Variants in LPP observed in about 807,000 individuals in gnomAD.
LPP encodes LIM domain containing preferred translocation partner in lipoma, also known as lipoma-preferred partner.
A neutral mutation model predicts 60.4 loss-of-function variants in LPP; 38 were observed. The observed-to-expected ratio is 0.63, with a 90% CI of 0.49 to 0.83. LPP has a LOEUF of 0.83. Among genes scored for constraint, LPP ranks in the 40% least tolerant of loss-of-function variants. The pLI is 0.00. For missense variants in LPP, 902 were observed against 783.6 expected, an observed-to-expected ratio of 1.15 and a Z score of -1.80; for synonymous variants, 328 against 290.8, an observed-to-expected ratio of 1.13 and a Z score of -1.30.
At chr3:188,785,727 A>G (rs989873154) in intron 9 of LPP, among the ~76,000 whole-genome samples, 4 of 151,742 alleles carry the variant, frequency 2.6e-5, no homozygotes, top group African/African-American at 9.7e-5. Flanking sequence ...GATACCCAGT[A>G]GTGGGATTGC....
At chr3:188,441,074 T>G (rs960796110) in intron 4 of LPP, among the ~76,000 whole-genome samples, 4 of 151,992 alleles carry the variant, frequency 2.6e-5, no homozygotes, top group African/African-American at 9.7e-5. Flanking sequence ...GATATATGGA[T>G]TGATTTCTTT....
chr3:188,438,373 A>T (rs1017289988), intron 4 of LPP, among the ~76,000 whole-genome samples: 310 of 151,576 alleles, frequency 2.0e-3, no homozygotes, highest in African/African-American at 4.6e-3. Context: ...ACACACACAC[A>T]CACACACACA....
intron 3 of LPP, among the ~76,000 whole-genome samples, chr3:188,344,556 T>C (rs1763842825): frequency 6.6e-6 from 1 of 152,190 alleles, no homozygotes; most frequent in Non-Finnish European, 1.5e-5. Context: ...TTACTTCCGG[T>C]TAAATGTTCT....
intron 1 of LPP, among the ~76,000 whole-genome samples, chr3:188,198,155 A>G (rs1473121598): frequency 2.6e-5 from 4 of 152,194 alleles, no homozygotes; most frequent in South Asian, 2.1e-4. Context: ...AAAGAAACCT[A>G]TGAGGATGGT....
At chr3:188,314,879 T>A (rs1754584288) in intron 2 of LPP, among the ~76,000 whole-genome samples, 1 of 152,202 alleles carries the variant, frequency 6.6e-6, no homozygotes, top group African/African-American at 2.4e-5. Context: ...AATAGTTTGA[T>A]AACATTTACA....
At chr3:188,365,146 A>G (rs114437031) in intron 3 of LPP, among the ~76,000 whole-genome samples, 1,745 of 149,632 alleles carry the variant, frequency 0.012, 35 homozygotes, top group African/African-American at 0.04. Context: ...TGACCTCTTA[A>G]TCTTACTTTT....
intron 2 of LPP, among the ~76,000 whole-genome samples, chr3:188,319,876 G>A (rs1756430459): frequency 6.6e-6 from 1 of 151,946 alleles, no homozygotes. Flanking sequence ...GGATGCTGCT[G>A]TGCATTTAGT....
At chr3:188,623,390 T>A in intron 7 of LPP, among the ~76,000 whole-genome samples, 1 of 151,122 alleles carries the variant, frequency 6.6e-6, no homozygotes, top group East Asian at 2.0e-4. Context: ...CCAGAGTAGG[T>A]GGGATTACAA....
At chr3:188,602,145 A>G (rs1841359541) in intron 6 of LPP, among the ~76,000 whole-genome samples, 1 of 125,538 alleles carries the variant, frequency 8.0e-6, no homozygotes, top group East Asian at 2.0e-4. Flanking sequence ...TTAATCTCAT[A>G]TATATATAAT....
At chr3:188,679,902 C>T (rs528274290) in intron 7 of LPP, among the ~76,000 whole-genome samples, 140 of 152,090 alleles carry the variant, frequency 9.2e-4, no homozygotes, top group Non-Finnish European at 1.7e-3. Flanking sequence ...AGGCTGTCAG[C>T]GGCCATCTCT....
intron 2 of LPP, among the ~76,000 whole-genome samples, chr3:188,287,485 C>T (rs1391836775): frequency 6.6e-6 from 1 of 152,208 alleles, no homozygotes; most frequent in Non-Finnish European, 1.5e-5. Context: ...ACTCTTCCCT[C>T]CTGTCAGGTG....
chr3:188,207,204 C>G (rs1293488190), intron 1 of LPP, among the ~76,000 whole-genome samples: 2 of 149,200 alleles, frequency 1.3e-5, no homozygotes, highest in Non-Finnish European at 3.0e-5. Flanking sequence ...TAGTGACCTA[C>G]ACATTTTCTT....
At chr3:188,761,931 G>C (rs1011552918) in intron 9 of LPP, among the ~76,000 whole-genome samples, 1 of 152,112 alleles carries the variant, frequency 6.6e-6, no homozygotes, top group Non-Finnish European at 1.5e-5. Flanking sequence ...TTATTGCCAC[G>C]AGCCCTAAGG....
At chr3:188,466,621 TA>T (rs1191810966) in intron 4 of LPP, among the ~76,000 whole-genome samples, 1 of 151,666 alleles carries the variant, frequency 6.6e-6, no homozygotes, top group Non-Finnish European at 1.5e-5. Flanking sequence ...TATAAATACC[TA>T]TTGATAATAC....
At chr3:188,780,727 C>A (rs1050164434) in intron 9 of LPP, among the ~76,000 whole-genome samples, 1 of 152,204 alleles carries the variant, frequency 6.6e-6, no homozygotes, top group Non-Finnish European at 1.5e-5. Context: ...AGGATCCCAC[C>A]CCGCCATTCT....
chr3:188,229,644 G>C (rs558552927), intron 2 of LPP, among the ~76,000 whole-genome samples: 1 of 152,326 alleles, frequency 6.6e-6, no homozygotes, highest in Admixed American at 6.5e-5. Flanking sequence ...ATGGTTCTTC[G>C]TGTAACCCAG....
intron 9 of LPP, among the ~76,000 whole-genome samples, chr3:188,828,296 G>C (rs759943535): frequency 6.6e-6 from 1 of 151,876 alleles, no homozygotes; most frequent in Non-Finnish European, 1.5e-5. Context: ...TCCAGAGTTA[G>C]GCAGCCTGAG....
At chr3:188,708,638 T>C in intron 8 of LPP, 1 of 564,428 alleles carries the variant, frequency 1.8e-6, no homozygotes, top group Non-Finnish European at 3.1e-6. Context: ...ATACAAATTT[T>C]ATTGTTGAGA....
At chr3:188,546,810 TC>T (rs1399853256) in intron 6 of LPP, among the ~76,000 whole-genome samples, 1 of 152,202 alleles carries the variant, frequency 6.6e-6, no homozygotes, top group African/African-American at 2.4e-5. Flanking sequence ...AAATCCACAG[TC>T]ACTTGTGAGC....
Sources: gnomAD v4.1 joint callset for allele counts (sites outside exome capture counted in the v4.1 genomes callset) on GRCh38, gnomAD v4.1.1 for gene constraint, MANE v1.5 for transcripts, NCBI Gene and HGNC (gene_info 2026-07-23, HGNC 2026-07-21) for gene names.